ZBTB20: variants seen among roughly 807,000 people sequenced by gnomAD.
ZBTB20 encodes the protein zinc finger and BTB domain containing 20.
Under a neutral mutation model 56.9 loss-of-function variants are expected in ZBTB20, and 9 were observed. The ratio of observed to expected loss-of-function variants is 0.16; its 90% CI spans 0.10 to 0.28. ZBTB20 has a LOEUF of 0.28. Among genes scored for constraint, ZBTB20 ranks in the 10% least tolerant of loss-of-function variants. The pLI is 1.00. For missense variants in ZBTB20, 655 were observed against 1,003.0 expected (o/e 0.65, Z 4.69); for synonymous variants, 417 against 420.7 (o/e 0.99, Z 0.11).
intron 6 of ZBTB20, among the ~76,000 whole-genome samples, chr3:114,584,547 T>G (rs546059130): frequency 6.6e-6 from 1 of 151,992 alleles, no homozygotes; most frequent in Non-Finnish European, 1.5e-5. Flanking sequence ...AAAGGCTCTC[T>G]TCTCACACCC....
intron 2 of ZBTB20, among the ~76,000 whole-genome samples, chr3:115,054,490 A>G (rs983076812): frequency 6.6e-6 from 1 of 152,156 alleles, no homozygotes; most frequent in Non-Finnish European, 1.5e-5. Context: ...TAGCAGCATT[A>G]GAACCCAAAC....
chr3:114,638,030 G>A (rs2059368415), intron 6 of ZBTB20, among the ~76,000 whole-genome samples: 1 of 152,002 alleles, frequency 6.6e-6, no homozygotes, highest in Non-Finnish European at 1.5e-5. Flanking sequence ...TGTGCAGAGT[G>A]TCAATGTGCT....
intron 7 of ZBTB20, among the ~76,000 whole-genome samples, chr3:114,393,501 T>C (rs1177045973): frequency 1.3e-5 from 2 of 152,222 alleles, no homozygotes; most frequent in South Asian, 2.1e-4. Flanking sequence ...TTTGGCAAAG[T>C]GTCACCTAGC....
At chr3:114,967,828 G>A (rs2108012198) in intron 3 of ZBTB20, among the ~76,000 whole-genome samples, 1 of 151,908 alleles carries the variant, frequency 6.6e-6, no homozygotes, top group South Asian at 2.1e-4. Flanking sequence ...GTGGTGGCGG[G>A]CACCTATAAT....
chr3:114,666,158 C>G (rs191001659), intron 6 of ZBTB20, among the ~76,000 whole-genome samples: 109 of 152,104 alleles, frequency 7.2e-4, no homozygotes, highest in African/African-American at 2.5e-3. Flanking sequence ...TTCCCTTTTC[C>G]CTTTGTCTAT....
intron 1 of ZBTB20, among the ~76,000 whole-genome samples, chr3:115,131,363 T>C (rs1225384640): frequency 6.6e-6 from 1 of 152,200 alleles, no homozygotes; most frequent in Admixed American, 6.5e-5. Flanking sequence ...GGCTGAATAT[T>C]ATACACACTT....
intron 10 of ZBTB20, 130 bp from the exon 11 acceptor site, chr3:114,352,008 G>C: frequency 2.6e-6 from 3 of 1,175,250 alleles, no homozygotes; most frequent in Non-Finnish European, 3.5e-6. Context: ...ACGCAAGTGG[G>C]GAGATGGACA....
At chr3:114,705,231 T>C (rs1345893197) in intron 5 of ZBTB20, among the ~76,000 whole-genome samples, 1 of 152,126 alleles carries the variant, frequency 6.6e-6, no homozygotes, top group East Asian at 1.9e-4. Context: ...AGAAATCTAA[T>C]ATTTGATCTG....
chr3:114,893,262 G>A (rs2076888828), intron 4 of ZBTB20, among the ~76,000 whole-genome samples: 1 of 152,170 alleles, frequency 6.6e-6, no homozygotes. Context: ...AATTCAGTGT[G>A]CAGTTTTAAA....
In ZBTB20 at chr3:115,026,601, T is replaced by C. The variant is rs1258343545; in HGVS notation, c.-507+44618A>G. Among the ~76,000 whole-genome samples the C allele has an allele frequency of 8.6e-5, 13 of 150,838 alleles. No homozygotes were observed. The Admixed American group carries it at 8.6e-4, about 10-fold the overall frequency. On this transcript the variant is annotated intron_variant, in intron 2 of 11. Transcript: ENST00000675478. ...ACCTAAGTACTAAATGTGGTAATCCTTGAAGTCTCTGGGACTTTTCTATAC... is the reference window on the plus strand; with the variant it reads ...ACCTAAGTACTAAATGTGGTAATCCCTGAAGTCTCTGGGACTTTTCTATAC...
intron 3 of ZBTB20, among the ~76,000 whole-genome samples, chr3:114,966,551 T>C (rs1442750163): frequency 1.3e-5 from 2 of 152,122 alleles, no homozygotes; most frequent in African/African-American, 4.8e-5. Context: ...TTCCATTTTA[T>C]TTTATCGGTG....
intron 7 of ZBTB20, among the ~76,000 whole-genome samples, chr3:114,431,695 T>C (rs995108083): frequency 6.6e-6 from 1 of 152,126 alleles, no homozygotes; most frequent in Admixed American, 6.5e-5. Flanking sequence ...CATACCCCAA[T>C]ATTAATGACA....
intron 5 of ZBTB20, among the ~76,000 whole-genome samples, chr3:114,718,264 G>A (rs1279208608): frequency 6.6e-6 from 1 of 152,030 alleles, no homozygotes; most frequent in Non-Finnish European, 1.5e-5. Flanking sequence ...AAGTAAATAC[G>A]AAAACCATTT....
chr3:114,886,688 T>A (rs546574904), intron 4 of ZBTB20, among the ~76,000 whole-genome samples: 13 of 152,312 alleles, frequency 8.5e-5, no homozygotes, highest in Admixed American at 3.3e-4. Context: ...TTACCTATTC[T>A]ATGCCTCAAC....
At chr3:115,011,260 T>G (rs1224829316) in intron 2 of ZBTB20, among the ~76,000 whole-genome samples, 1 of 151,870 alleles carries the variant, frequency 6.6e-6, no homozygotes, top group Non-Finnish European at 1.5e-5. Context: ...AACAGAGAAC[T>G]TCCCAACCCT....
rs187103637 is a variant in ZBTB20, at chr3:114,909,801, A to T, written c.-455-9459T>A. On this transcript the variant is annotated intron_variant, in intron 3 of 11. Transcript: ENST00000675478. ...ATATCAAAACTCATGCAATGCAGCT[A>T]AACAGTCTTAGGGAGCAAAGTACAA... Among the ~76,000 whole-genome samples, 106 of 152,176 alleles carry T rather than the reference A, an allele frequency of 7.0e-4. 2 individuals are homozygous for T. Among genetic ancestry groups the T allele is most frequent in the African/African-American group, 2.4e-3 (100 of 41,550 alleles).
At chr3:114,511,023 G>A (rs775336148) in intron 6 of ZBTB20, among the ~76,000 whole-genome samples, 4 of 151,454 alleles carry the variant, frequency 2.6e-5, no homozygotes, top group Admixed American at 6.6e-5. Flanking sequence ...GAACATGATG[G>A]TGGTGGGTGA....
chr3:114,495,091 T>G (rs2043134528), intron 7 of ZBTB20, among the ~76,000 whole-genome samples: 1 of 152,194 alleles, frequency 6.6e-6, no homozygotes, highest in African/African-American at 2.4e-5. Flanking sequence ...TCATTCCTTT[T>G]GGAACTTAGT....
intron 6 of ZBTB20, among the ~76,000 whole-genome samples, chr3:114,642,746 A>C (rs2059625397): frequency 6.6e-6 from 1 of 152,068 alleles, no homozygotes; most frequent in Non-Finnish European, 1.5e-5. Flanking sequence ...TTGGGTTCTA[A>C]GACTCATTTG....
Sources: allele counts gnomAD v4.1 joint callset (sites outside exome capture counted in the v4.1 genomes callset), GRCh38; gene constraint gnomAD v4.1.1; transcripts MANE v1.5; gene names NCBI Gene and HGNC (gene_info 2026-07-23, HGNC 2026-07-21).